Variants in FGF12 observed in about 807,000 individuals in gnomAD.
FGF12 encodes fibroblast growth factor 12B.
FGF12 carries 14 observed loss-of-function variants against 23.6 expected under a neutral mutation model. The ratio of observed to expected loss-of-function variants is 0.59; its 90% CI spans 0.39 to 0.93. FGF12 has a LOEUF of 0.93. Ranked by LOEUF, FGF12 falls within the 40% of genes least tolerant of loss-of-function variation. The pLI, the probability that FGF12 is intolerant of heterozygous loss-of-function variation, is 0.00. For synonymous variants in FGF12, 62 were observed against 77.3 expected (o/e 0.80, Z 1.04); for missense variants, 175 against 217.8 (o/e 0.80, Z 1.24).
chr3:192,188,424 C>T (rs112265170), intron 4 of FGF12, among the ~76,000 whole-genome samples: 1 of 152,182 alleles, frequency 6.6e-6, no homozygotes, highest in Middle Eastern at 3.4e-3. Flanking sequence ...CACTAGGTGG[C>T]GGGGTGGTGA....
intron 2 of FGF12, among the ~76,000 whole-genome samples, chr3:192,472,256 T>C (rs923432997): frequency 3.9e-5 from 6 of 152,094 alleles, no homozygotes; most frequent in African/African-American, 1.4e-4. Context: ...GACCTCGGGA[T>C]CTGCCCGCCG....
chr3:192,239,825 G>A (rs1274364368), intron 4 of FGF12, among the ~76,000 whole-genome samples: 3 of 152,196 alleles, frequency 2.0e-5, no homozygotes, highest in Admixed American at 1.3e-4. Context: ...CAAGAAGGTT[G>A]GGGACTGTTG....
chr3:192,674,550 G>A (rs142524217), intron 2 of FGF12, among the ~76,000 whole-genome samples: 1 of 152,170 alleles, frequency 6.6e-6, no homozygotes, highest in Non-Finnish European at 1.5e-5. Context: ...AGGGAGATGA[G>A]AGCAGTAGAT....
rs549998560 is a variant in FGF12, at chr3:192,435,921, T to A, written c.14-75383A>T. On this transcript the variant is annotated intron_variant, in intron 2 of 5. Coordinates refer to ENST00000445105, the MANE Select transcript of FGF12 (RefSeq NM_004113.6). ...AACCAGCTTTTACAATTCCCTGGCA[T>A]TTTTAAAAAGAATATTTATTTTGAA... Among the ~76,000 whole-genome samples, 3 of 152,352 alleles carry A rather than the reference T, an allele frequency of 2.0e-5. No individual in the cohort carries two copies. The South Asian group carries it at 6.2e-4, about 32-fold the overall frequency.
At chr3:192,494,837 TATGC>T (rs1404578099) in intron 2 of FGF12, among the ~76,000 whole-genome samples, 1 of 34,322 alleles carries the variant, frequency 2.9e-5, no homozygotes, top group Non-Finnish European at 7.9e-5. Flanking sequence ...TTGGAGGGCC[TATGC>T]ATATATATAT....
At chr3:192,220,828 C>T (rs1346910058) in intron 4 of FGF12, among the ~76,000 whole-genome samples, 1 of 152,132 alleles carries the variant, frequency 6.6e-6, no homozygotes, top group African/African-American at 2.4e-5. Context: ...CAAATGGAAA[C>T]ATGATGTTAA....
chr3:192,498,784 T>C (rs1278294717), intron 2 of FGF12, among the ~76,000 whole-genome samples: 3 of 152,262 alleles, frequency 2.0e-5, no homozygotes, highest in Admixed American at 2.0e-4. Flanking sequence ...TACTGGTAAC[T>C]GGTGAAACCC....
At chr3:192,232,664 T>G (rs1410546420) in intron 4 of FGF12, among the ~76,000 whole-genome samples, 1 of 152,090 alleles carries the variant, frequency 6.6e-6, no homozygotes, top group Non-Finnish European at 1.5e-5. Flanking sequence ...AGTGGCATAG[T>G]ACTTGATAGG....
At chr3:192,421,827 A>G (rs547121056) in intron 2 of FGF12, among the ~76,000 whole-genome samples, 6 of 152,248 alleles carry the variant, frequency 3.9e-5, no homozygotes, top group Admixed American at 1.3e-4. Flanking sequence ...AATAAAAAAA[A>G]AAAGAGTAAA....
intron 2 of FGF12, among the ~76,000 whole-genome samples, chr3:192,503,645 A>AC (rs1418465683): frequency 7.3e-6 from 1 of 136,458 alleles, no homozygotes; most frequent in Non-Finnish European, 1.5e-5. Flanking sequence ...TCACTCTGTC[A>AC]CCCAGGCTGG....
intron 4 of FGF12, among the ~76,000 whole-genome samples, chr3:192,216,142 T>C (rs924021540): frequency 2.0e-5 from 3 of 152,152 alleles, no homozygotes; most frequent in Non-Finnish European, 4.4e-5. Context: ...AAAGACAATG[T>C]AGTGTATTGT....
intron 2 of FGF12, among the ~76,000 whole-genome samples, chr3:192,471,278 C>T (rs1723166678): frequency 1.3e-5 from 2 of 152,156 alleles, no homozygotes; most frequent in South Asian, 4.1e-4. Flanking sequence ...CTATTCTTAG[C>T]TTTAGGAGCC....
At chr3:192,684,972 C>A (rs919419874) in intron 2 of FGF12, among the ~76,000 whole-genome samples, 1 of 152,154 alleles carries the variant, frequency 6.6e-6, no homozygotes, top group Non-Finnish European at 1.5e-5. Flanking sequence ...GCATATTTAC[C>A]TCCTTGTGCC....
At chr3:192,532,457 A>C (rs1725115879) in intron 2 of FGF12, among the ~76,000 whole-genome samples, 1 of 151,832 alleles carries the variant, frequency 6.6e-6, no homozygotes, top group Non-Finnish European at 1.5e-5. Context: ...CCTTGTAGAG[A>C]TCTTTCACCT....
chr3:192,230,305 G>A (rs954713558), intron 4 of FGF12, among the ~76,000 whole-genome samples: 4 of 151,992 alleles, frequency 2.6e-5, no homozygotes, highest in Non-Finnish European at 4.4e-5. Context: ...ATACATATAT[G>A]GTGTTACTGT....
intron 2 of FGF12, among the ~76,000 whole-genome samples, chr3:192,530,942 G>A (rs1577038886): frequency 1.3e-5 from 2 of 152,072 alleles, no homozygotes; most frequent in African/African-American, 4.8e-5. Flanking sequence ...AGCCTCCCAC[G>A]TAGCTGGGAT....
intron 2 of FGF12, among the ~76,000 whole-genome samples, chr3:192,536,750 T>A (rs1443335872): frequency 6.6e-6 from 1 of 152,146 alleles, no homozygotes. Context: ...AATAATCACA[T>A]CAGGGTAAAT....
At chr3:192,561,566 G>T (rs993470004) in intron 2 of FGF12, among the ~76,000 whole-genome samples, 1 of 152,064 alleles carries the variant, frequency 6.6e-6, no homozygotes, top group Non-Finnish European at 1.5e-5. Context: ...GTTTCACCGT[G>T]TTAGCCAGGA....
intron 4 of FGF12, among the ~76,000 whole-genome samples, chr3:192,261,328 CT>C (rs1712736416): frequency 6.6e-6 from 1 of 152,036 alleles, no homozygotes; most frequent in South Asian, 2.1e-4. Context: ...TACACCTCCT[CT>C]GCTCTACACA....
Sources: allele counts gnomAD v4.1 joint callset (sites outside exome capture counted in the v4.1 genomes callset), GRCh38; gene constraint gnomAD v4.1.1; transcripts MANE v1.5; gene names NCBI Gene and HGNC (gene_info 2026-07-23, HGNC 2026-07-21).